The following MAML3 variants were observed in gnomAD, a reference collection of about 807,000 sequenced individuals.
MAML3 encodes mastermind-like protein 3.
Under a neutral mutation model 101.9 loss-of-function variants are expected in MAML3, and 27 were observed. The ratio of observed to expected loss-of-function variants is 0.27; its 90% CI spans 0.20 to 0.37. The LOEUF is 0.37. Ranked by LOEUF, MAML3 falls within the 10% of genes least tolerant of loss-of-function variation. The pLI is 1.00. For missense variants in MAML3, 1,316 were observed against 1,444.9 expected (o/e 0.91, Z 1.45); for synonymous variants, 501 against 555.9 (o/e 0.90, Z 1.39).
intron 1 of MAML3, among the ~76,000 whole-genome samples, chr4:139,915,477 A>C (rs1233697950): frequency 6.6e-6 from 1 of 152,218 alleles, no homozygotes. Context: ...AGAGCCTCAT[A>C]GAACCTCATG....
chr4:139,965,934 T>C (rs1000605607), intron 1 of MAML3, among the ~76,000 whole-genome samples: 50 of 152,268 alleles, frequency 3.3e-4, no homozygotes, highest in African/African-American at 1.0e-3. Flanking sequence ...GCTCACAGGA[T>C]TGGGGGAAGG....
intron 1 of MAML3, among the ~76,000 whole-genome samples, chr4:140,144,561 A>G (rs1408374072): frequency 6.6e-6 from 1 of 152,072 alleles, no homozygotes; most frequent in Non-Finnish European, 1.5e-5. Context: ...AAAAAAAAAA[A>G]AAAAGAATTA....
chr4:139,721,536 C>G (rs1158383880), intron 4 of MAML3, among the ~76,000 whole-genome samples: 1 of 152,130 alleles, frequency 6.6e-6, no homozygotes, highest in Non-Finnish European at 1.5e-5. Flanking sequence ...ACCTGGCACC[C>G]TGGTAGATAA....
chr4:139,852,398 A>C (rs1731569907), intron 2 of MAML3, among the ~76,000 whole-genome samples: 1 of 143,310 alleles, frequency 7.0e-6, no homozygotes, highest in African/African-American at 2.9e-5. Context: ...AAAATTCAGA[A>C]GACTGTTTTT....
intron 1 of MAML3, among the ~76,000 whole-genome samples, chr4:140,078,839 G>A (rs573005808): frequency 1.9e-4 from 29 of 152,238 alleles, no homozygotes; most frequent in African/African-American, 7.0e-4. Context: ...GGCCCACCAT[G>A]AGGGCTGGAA....
At chr4:140,044,312 T>C (rs769775290) in intron 1 of MAML3, among the ~76,000 whole-genome samples, 6 of 152,212 alleles carry the variant, frequency 3.9e-5, no homozygotes, top group African/African-American at 1.4e-4. Flanking sequence ...AAAGCATTGT[T>C]AATATGAACT....
chr4:140,070,055 G>A (rs1346710736), intron 1 of MAML3, among the ~76,000 whole-genome samples: 1 of 152,026 alleles, frequency 6.6e-6, no homozygotes, highest in Middle Eastern at 3.2e-3. Flanking sequence ...GGCACAAGTC[G>A]CAGTGAGCCA....
chr4:139,867,887 ATGGCCTGG>A (rs1414668720), intron 2 of MAML3, among the ~76,000 whole-genome samples: 3 of 152,192 alleles, frequency 2.0e-5, no homozygotes, highest in Non-Finnish European at 2.9e-5. Context: ...CCCCTGTGGG[ATGGCCTGG>A]CTGCCCCGGG....
intron 1 of MAML3, among the ~76,000 whole-genome samples, chr4:140,113,147 C>T (rs1009055839): frequency 6.6e-6 from 1 of 151,918 alleles, no homozygotes; most frequent in Non-Finnish European, 1.5e-5. Context: ...GGCATGGTGG[C>T]GGGTGCCTGT....
intron 1 of MAML3, among the ~76,000 whole-genome samples, chr4:140,042,409 CG>C (rs1727101188): frequency 6.6e-6 from 1 of 151,990 alleles, no homozygotes; most frequent in African/African-American, 2.4e-5. Flanking sequence ...CCGAGGCAGG[CG>C]GATCACGAGG....
Position 139,937,070 on chromosome 4 carries a change from AAGAG to A in MAML3, c.469-46107_469-46104del, listed in dbSNP as rs1288129678. 5.3e-5 allele frequency among the ~76,000 whole-genome samples: 8 copies of A among 152,354 alleles called. No individual in the cohort carries two copies. The East Asian group carries it at 1.5e-3, about 29-fold the overall frequency. ...TAATTTTTACTTTTGTTTTTCAAAAAAGAGAGGGCTCATAGTGCTATTTGCTAAC... is the reference window on the plus strand; with the variant it reads ...TAATTTTTACTTTTGTTTTTCAAAAAAGGGCTCATAGTGCTATTTGCTAAC... On this transcript the variant is annotated intron_variant, in intron 1 of 4. Transcript: ENST00000509479.
chr4:140,069,600 GGAAGAA>G (rs1176497947), intron 1 of MAML3, among the ~76,000 whole-genome samples: 2 of 137,532 alleles, frequency 1.5e-5, no homozygotes, highest in East Asian at 2.2e-4. Context: ...AAGAGGAGGA[GGAAGAA>G]GAAGAAGAAG....
chr4:139,827,995 G>A (rs1025476454), intron 2 of MAML3, among the ~76,000 whole-genome samples: 10 of 152,198 alleles, frequency 6.6e-5, no homozygotes, highest in Admixed American at 4.6e-4. Flanking sequence ...GCATCATTTC[G>A]TCTTCTGATT....
chr4:140,022,845 T>C (rs182133026), intron 1 of MAML3, among the ~76,000 whole-genome samples: 61 of 152,346 alleles, frequency 4.0e-4, no homozygotes, highest in African/African-American at 1.2e-3. Flanking sequence ...CTAGTTCAAA[T>C]ACAGGTCAAG....
intron 1 of MAML3, among the ~76,000 whole-genome samples, chr4:140,003,336 C>T (rs1293833920): frequency 6.6e-6 from 1 of 152,048 alleles, no homozygotes; most frequent in East Asian, 1.9e-4. Flanking sequence ...GACAAAGTTC[C>T]AGATATACTG....
chr4:139,815,902 T>C (rs185715184), intron 2 of MAML3, among the ~76,000 whole-genome samples: 278 of 152,168 alleles, frequency 1.8e-3, no homozygotes, highest in Non-Finnish European at 3.3e-3. Context: ...ACGATGAGCA[T>C]AATAAATAAT....
At chr4:140,087,712 G>T (rs1049330771) in intron 1 of MAML3, among the ~76,000 whole-genome samples, 1 of 152,136 alleles carries the variant, frequency 6.6e-6, no homozygotes, top group Non-Finnish European at 1.5e-5. Context: ...ATGAGGGTGT[G>T]TACTTTTCAG....
At chr4:139,798,058 A>G (rs868237995) in intron 2 of MAML3, among the ~76,000 whole-genome samples, 33 of 135,308 alleles carry the variant, frequency 2.4e-4, no homozygotes, top group African/African-American at 1.0e-3. Flanking sequence ...GAAAGAAAGA[A>G]AGAAAGAAAG....
intron 1 of MAML3, among the ~76,000 whole-genome samples, chr4:140,017,356 G>A (rs1348916351): frequency 6.6e-6 from 1 of 151,972 alleles, no homozygotes; most frequent in Non-Finnish European, 1.5e-5. Flanking sequence ...TGGTAGACAA[G>A]TAAAATAATA....
Sources: gnomAD v4.1 joint callset for allele counts (sites outside exome capture counted in the v4.1 genomes callset) on GRCh38, gnomAD v4.1.1 for gene constraint, MANE v1.5 for transcripts, NCBI Gene and HGNC (gene_info 2026-07-23, HGNC 2026-07-21) for gene names.